Variants in NRG3 observed in about 807,000 individuals in gnomAD.
The protein encoded by NRG3 is neuregulin 3.
NRG3 carries 31 observed loss-of-function variants against 66.9 expected under a neutral mutation model. The observed-to-expected ratio is 0.46, with a 90% CI of 0.35 to 0.63. The LOEUF (loss-of-function observed/expected upper bound fraction) is 0.63. NRG3 is among the 20% of genes least tolerant of loss of function. The probability of loss-of-function intolerance (pLI) is 0.00; values close to 1 mark genes in which losing one functional copy is unlikely to be tolerated. For missense variants in NRG3, 910 were observed against 878.9 expected (o/e 1.04, Z -0.45); for synonymous variants, 393 against 359.4 (o/e 1.09, Z -1.06).
At chr10:82,825,187 T>A (rs2062142987) in intron 3 of NRG3, among the ~76,000 whole-genome samples, 1 of 152,212 alleles carries the variant, frequency 6.6e-6, no homozygotes, top group Non-Finnish European at 1.5e-5. Flanking sequence ...CAGGTCTATC[T>A]TTTTTATTGT....
intron 1 of NRG3, among the ~76,000 whole-genome samples, chr10:82,344,162 A>T (rs1331481780): frequency 6.7e-6 from 1 of 149,484 alleles, no homozygotes; most frequent in Non-Finnish European, 1.5e-5. Flanking sequence ...TGCTGCACCC[A>T]CTAACTCGTC....
chr10:82,060,084 A>G lies in NRG3; in HGVS notation c.823+183921A>G, dbSNP rs1202332072. ...TGAAGGATACAATTAAGATTGGCAC[A>G]ATATCTGACTCCCCCACACAGGAAT... On this transcript the variant is annotated intron_variant, in intron 1 of 8. Coordinates refer to ENST00000372141, the MANE Select transcript of NRG3 (RefSeq NM_001010848.4). Among the ~76,000 whole-genome samples, 8 of 152,212 alleles carry G rather than the reference A, an allele frequency of 5.3e-5. No individual in the cohort carries two copies. The South Asian group carries it at 8.3e-4, about 16-fold the overall frequency.
At chr10:82,472,913 G>C (rs1042279953) in intron 2 of NRG3, among the ~76,000 whole-genome samples, 8 of 152,142 alleles carry the variant, frequency 5.3e-5, no homozygotes, top group African/African-American at 1.9e-4. Flanking sequence ...CCTTTTCTGT[G>C]GGTAAATACC....
chr10:81,978,595 A>G lies in NRG3; in HGVS notation c.823+102432A>G, dbSNP rs139296415. ...ATCCATAGTATATTTCTCTATACAT[A>G]CTCCTGGATAAGAAGAAACAAATAA... On this transcript the variant is annotated intron_variant, in intron 1 of 8. Coordinates refer to ENST00000372141, the MANE Select transcript of NRG3 (RefSeq NM_001010848.4). Among the ~76,000 whole-genome samples, 37 of 152,278 alleles carry G rather than the reference A, an allele frequency of 2.4e-4. No individual in the cohort carries two copies. In the East Asian group the frequency reaches 6.6e-3, roughly 27 times the overall value.
At chr10:82,131,904 G>T in intron 1 of NRG3, among the ~76,000 whole-genome samples, 1 of 152,154 alleles carries the variant, frequency 6.6e-6, no homozygotes, top group East Asian at 1.9e-4. Context: ...ACTTTGCTCA[G>T]TTTGTTTATC....
At chr10:82,871,840 C>A (rs1841372190) in intron 4 of NRG3, among the ~76,000 whole-genome samples, 1 of 151,886 alleles carries the variant, frequency 6.6e-6, no homozygotes, top group Admixed American at 6.6e-5. Context: ...TTAACCTAAG[C>A]AATCAGGTCA....
intron 1 of NRG3, among the ~76,000 whole-genome samples, chr10:82,316,507 C>G (rs2135064967): frequency 6.6e-6 from 1 of 152,212 alleles, no homozygotes; most frequent in South Asian, 2.1e-4. Flanking sequence ...AATATTTTTG[C>G]CTACGGACCC....
intron 2 of NRG3, among the ~76,000 whole-genome samples, chr10:82,646,359 C>A (rs767526431): frequency 6.6e-6 from 1 of 152,088 alleles, no homozygotes; most frequent in South Asian, 2.1e-4. Context: ...ATTCTTAGAA[C>A]GCAAAAGGAT....
chr10:82,541,667 G>A (rs765896277), intron 2 of NRG3, among the ~76,000 whole-genome samples: 2 of 152,148 alleles, frequency 1.3e-5, no homozygotes, highest in Non-Finnish European at 2.9e-5. Flanking sequence ...GAGTGGCTCC[G>A]GGCTGTCTGC....
At chr10:82,322,402 A>C (rs1362301414) in intron 1 of NRG3, among the ~76,000 whole-genome samples, 2 of 152,200 alleles carry the variant, frequency 1.3e-5, no homozygotes, top group African/African-American at 4.8e-5. Context: ...ATAAAGTTCA[A>C]ATAATATGAG....
intron 1 of NRG3, among the ~76,000 whole-genome samples, chr10:81,952,471 C>T (rs974714729): frequency 3.3e-5 from 5 of 151,940 alleles, no homozygotes; most frequent in Non-Finnish European, 7.4e-5. Flanking sequence ...CTCTTTTTTA[C>T]CCCATGAGTA....
At chr10:82,132,077 T>C (rs1211221044) in intron 1 of NRG3, among the ~76,000 whole-genome samples, 1 of 152,070 alleles carries the variant, frequency 6.6e-6, no homozygotes, top group African/African-American at 2.4e-5. Context: ...CTATGTTGAA[T>C]AACAGTGGAG....
At chr10:82,750,387 A>T (rs2058815848) in intron 3 of NRG3, among the ~76,000 whole-genome samples, 1 of 152,218 alleles carries the variant, frequency 6.6e-6, no homozygotes, top group Non-Finnish European at 1.5e-5. Flanking sequence ...AAAATTGGAC[A>T]CATGAATTAT....
At chr10:82,532,083 C>A (rs978283175) in intron 2 of NRG3, among the ~76,000 whole-genome samples, 6 of 151,792 alleles carry the variant, frequency 4.0e-5, no homozygotes, top group African/African-American at 1.4e-4. Context: ...GGGCAAGGAT[C>A]AAATCACTGT....
Position 82,084,944 on chromosome 10 carries a change from C to T in NRG3, c.823+208781C>T, listed in dbSNP as rs115046907. On this transcript the variant is annotated intron_variant, in intron 1 of 8. Transcript: ENST00000372141. Reference sequence around the variant, plus strand: ...GAAAGTGTGCGTATGGAGTAGTCCTCGCACACAGGCTGAAAGACATATCTA... The same window carrying T: ...GAAAGTGTGCGTATGGAGTAGTCCTTGCACACAGGCTGAAAGACATATCTA... Among the ~76,000 whole-genome samples the T allele has an allele frequency of 2.2e-3, 338 of 152,200 alleles. 3 individuals are homozygous for T. The highest frequency in any genetic ancestry group is 7.9e-3 in the African/African-American group (327 of 41,492).
chr10:82,819,018 A>G (rs1406196545), intron 3 of NRG3, among the ~76,000 whole-genome samples: 1 of 152,262 alleles, frequency 6.6e-6, no homozygotes, highest in Non-Finnish European at 1.5e-5. Flanking sequence ...TGATTTTTTT[A>G]AAATCCTAAG....
At chr10:82,188,404 AT>A (rs934927267) in intron 1 of NRG3, among the ~76,000 whole-genome samples, 1 of 152,164 alleles carries the variant, frequency 6.6e-6, no homozygotes, top group Non-Finnish European at 1.5e-5. Flanking sequence ...CTAGGCAAAG[AT>A]TTTTTGAGCA....
chr10:82,798,920 T>C (rs1161384968), intron 3 of NRG3, among the ~76,000 whole-genome samples: 1 of 152,168 alleles, frequency 6.6e-6, no homozygotes, highest in African/African-American at 2.4e-5. Flanking sequence ...TGGAGTCAGT[T>C]GGAATGCAGA....
intron 2 of NRG3, among the ~76,000 whole-genome samples, chr10:82,687,871 A>G (rs1015221601): frequency 5.3e-5 from 8 of 152,258 alleles, no homozygotes; most frequent in Admixed American, 2.6e-4. Flanking sequence ...GGTTCTTTCA[A>G]TGAGACTCCA....
Sources: allele counts gnomAD v4.1 joint callset (sites outside exome capture counted in the v4.1 genomes callset), GRCh38; gene constraint gnomAD v4.1.1; transcripts MANE v1.5; gene names NCBI Gene and HGNC (gene_info 2026-07-23, HGNC 2026-07-21).